The following TRMT44 variants were observed in gnomAD, a reference collection of about 807,000 sequenced individuals.
TRMT44 encodes probable tRNA (uracil-O(2)-)-methyltransferase.
TRMT44 carries 78 observed loss-of-function variants against 77.3 expected under a neutral mutation model. The observed-to-expected ratio is 1.01, with a 90% confidence interval of 0.84 to 1.22. The LOEUF is 1.22. Ranked by LOEUF, TRMT44 falls within the 50% of genes most tolerant of loss-of-function variation. The pLI is 0.00. For synonymous variants in TRMT44, 391 were observed against 383.3 expected (o/e 1.02, Z -0.23); for missense variants, 1,090 against 964.4 (o/e 1.13, Z -1.73).
At chr4:8,468,506 T>A in intron 9 of TRMT44, 160 bp downstream of exon 9, 1 of 700,774 alleles carries the variant, frequency 1.4e-6, no homozygotes, top group Non-Finnish European at 2.4e-6. Context: ...AGCAAATTCT[T>A]TAAAATTTTC....
intron 6 of TRMT44, among the ~76,000 whole-genome samples, chr4:8,455,136 G>A (rs944504132): frequency 1.3e-5 from 2 of 152,220 alleles, no homozygotes; most frequent in African/African-American, 2.4e-5. Flanking sequence ...TGCATTTTGC[G>A]AAGTCTTCTC....
intron 10 of TRMT44, among the ~76,000 whole-genome samples, chr4:8,471,769 C>G (rs1727022212): frequency 6.6e-6 from 1 of 152,222 alleles, no homozygotes; most frequent in South Asian, 2.1e-4. Flanking sequence ...GGAGGGCCCT[C>G]CACCCGCTTG....
chr4:8,489,301 A>C (rs1727919068), intron 2 of TRMT44, among the ~76,000 whole-genome samples: 1 of 152,212 alleles, frequency 6.6e-6, no homozygotes, highest in African/African-American at 2.4e-5. Context: ...TGGCCTCCTT[A>C]TGGATGACAG....
rs1727378797 is a variant in TRMT44 at position 8,476,260 on chromosome 4, A to G, written c.*259A>G. Reference sequence around the variant, plus strand: ...GAAACGTGCGCAGCATCTTCATATCATAAAGATTGTGCACGGATCCTTACA... The same window carrying G: ...GAAACGTGCGCAGCATCTTCATATCGTAAAGATTGTGCACGGATCCTTACA... On this transcript the variant is annotated 3_prime_UTR_variant, in exon 11 of 11. Transcript: ENST00000389737. 1.1e-5 allele frequency: 6 copies of G among 541,066 alleles called. No homozygotes were observed. The highest frequency in any genetic ancestry group is 2.1e-5 in the South Asian group (1 of 47,416). 33.5% of individuals were successfully genotyped at this position (541,066 alleles called of 1,614,324 possible). A position where few individuals can be genotyped will look rare whatever the true frequency, so the allele number is the denominator to read the frequency against.
chr4:8,468,487 C>A, intron 9 of TRMT44, 141 bp downstream of exon 9: 2 of 813,588 alleles, frequency 2.5e-6, no homozygotes, highest in Non-Finnish European at 3.9e-6. Flanking sequence ...GGTGCATAGG[C>A]TCTCTTCAAG....
At chr4:8,499,320 C>T in the TRMT44 span, among the ~76,000 whole-genome samples, 1 of 152,118 alleles carries the variant, frequency 6.6e-6, no homozygotes, top group Non-Finnish European at 1.5e-5. Context: ...AAGGTGACCC[C>T]AGCCCCTGAG....
At chr4:8,455,187 T>C (rs1725727289) in intron 6 of TRMT44, among the ~76,000 whole-genome samples, 2 of 152,200 alleles carry the variant, frequency 1.3e-5, no homozygotes, top group South Asian at 4.1e-4. Flanking sequence ...AGCAAGCAGT[T>C]AGTACCCTGC....
chr4:8,473,682 A>G (rs1727179852), intron 10 of TRMT44: 1 of 152,586 alleles, frequency 6.6e-6, no homozygotes, highest in South Asian at 2.1e-4. Context: ...TGGGTGGAGC[A>G]GACTGTGGCT....
chr4:8,459,700 A>G (rs9884532), intron 6 of TRMT44, among the ~76,000 whole-genome samples: 3,061 of 152,338 alleles, frequency 0.02, 117 homozygotes, highest in African/African-American at 0.069. Flanking sequence ...ACTACAAGAG[A>G]TGCATCCAAT....
intron 8 of TRMT44, 46 bp downstream of exon 8, chr4:8,465,607 G>A (rs766818694): frequency 1.3e-6 from 2 of 1,536,414 alleles, no homozygotes; most frequent in Admixed American, 1.8e-5. Context: ...TCGGTGTTCA[G>A]ATGGAGAGCT....
chr4:8,478,846 T>C (rs545525130), downstream of TRMT44: 2 of 152,494 alleles, frequency 1.3e-5, no homozygotes, highest in Non-Finnish European at 2.9e-5. Context: ...GCGCCGCGAC[T>C]TGCCCCATCT....
At chr4:8,495,389 C>G (rs1728121499), downstream of TRMT44, among the ~76,000 whole-genome samples, 1 of 152,214 alleles carries the variant, frequency 6.6e-6, no homozygotes, top group East Asian at 1.9e-4. Context: ...GGGCTCTTCC[C>G]TGTGAGGCCC....
At chr4:8,489,107 C>A (rs956292044) in intron 2 of TRMT44, among the ~76,000 whole-genome samples, 21 of 152,250 alleles carry the variant, frequency 1.4e-4, no homozygotes, top group African/African-American at 4.8e-4. Flanking sequence ...AGGAGGGCCT[C>A]TTGGAAGAGG....
At chr4:8,489,436 G>T (rs1258297868) in intron 2 of TRMT44, among the ~76,000 whole-genome samples, 1 of 151,790 alleles carries the variant, frequency 6.6e-6, no homozygotes, top group Non-Finnish European at 1.5e-5. Flanking sequence ...GCTAACTTTG[G>T]AAGACAGGCT....
At chr4:8,472,300 C>T (rs1225132465) in intron 10 of TRMT44, among the ~76,000 whole-genome samples, 1 of 152,136 alleles carries the variant, frequency 6.6e-6, no homozygotes, top group Non-Finnish European at 1.5e-5. Context: ...ACAGCATTTG[C>T]AAAGAGCCAG....
downstream of TRMT44, chr4:8,478,586 G>A: frequency 6.5e-6 from 1 of 152,706 alleles, no homozygotes; most frequent in African/African-American, 2.4e-5. Flanking sequence ...ATGAAGGTGG[G>A]CAGATAGAGG....
chr4:8,450,168 A>C (rs575266276), intron 3 of TRMT44, among the ~76,000 whole-genome samples: 1 of 151,736 alleles, frequency 6.6e-6, no homozygotes, highest in African/African-American at 2.4e-5. Context: ...AGGTTTCACC[A>C]TGTTGCCCAG....
In TRMT44 at chr4:8,444,578, C is replaced by T. The variant is rs545854478; in HGVS notation, c.620-1898C>T. 1.4e-3 allele frequency among the ~76,000 whole-genome samples: 209 copies of T among 152,086 alleles called. No homozygotes were observed. The highest frequency in any genetic ancestry group is 4.7e-3 in the African/African-American group (196 of 41,514). On this transcript the variant is annotated intron_variant, in intron 1 of 10. Coordinates refer to ENST00000389737, the MANE Select transcript of TRMT44 (RefSeq NM_152544.3). This position sits in a 1 kb window ranked among gnomAD's most constrained non-coding sequence, Gnocchi z 4.0. Reference sequence around the variant, plus strand: ...ACGCCCAGCTAATTTTTGTATTTTTCGTAGAGATGGGGTTTCACCATGTTG... The same window carrying T: ...ACGCCCAGCTAATTTTTGTATTTTTTGTAGAGATGGGGTTTCACCATGTTG...
downstream of TRMT44, among the ~76,000 whole-genome samples, chr4:8,480,631 G>A (rs1727585891): frequency 6.6e-6 from 1 of 152,134 alleles, no homozygotes; most frequent in Non-Finnish European, 1.5e-5. Context: ...TTTATCTATT[G>A]GGAAATTGCC....
Sources: gnomAD v4.1 joint callset for allele counts (sites outside exome capture counted in the v4.1 genomes callset) on GRCh38, gnomAD v4.1.1 for gene constraint, Gnocchi (gnomAD v3.1) non-coding constraint, MANE v1.5 for transcripts, NCBI Gene and HGNC (gene_info 2026-07-23, HGNC 2026-07-21) for gene names.